Variants in PNLDC1 observed in about 807,000 individuals in gnomAD.
PNLDC1 encodes the protein PARN like ribonuclease domain containing exonuclease 1, also known as poly(A)-specific ribonuclease PNLDC1.
In PNLDC1, 70 loss-of-function variants were observed where a neutral mutation model predicts 82.0. The ratio of observed to expected loss-of-function variants is 0.85; its 90% CI spans 0.70 to 1.04. PNLDC1 has a LOEUF of 1.04. Among genes scored for constraint, PNLDC1 ranks in the 50% least tolerant of loss-of-function variants. The pLI is 0.00. For missense variants in PNLDC1, 631 were observed against 661.1 expected (o/e 0.95, Z 0.50); for synonymous variants, 280 against 249.3 (o/e 1.12, Z -1.16).
rs1288593491 is a variant in PNLDC1, at chr6:159,800,781, T to TA, written c.87dup (p.Glu30ArgfsTer8). The TA allele has an allele frequency of 8.1e-6, 13 of 1,614,160 alleles. No individual in the cohort carries two copies. In the East Asian group the frequency reaches 2.9e-4, roughly 36 times the overall value. On this transcript the variant is annotated frameshift_variant, in exon 2 of 19. Coordinates refer to ENST00000392167, the MANE Select transcript of PNLDC1 (RefSeq NM_001271862.2). LOFTEE classifies it high-confidence loss of function. Reference sequence around the variant, plus strand: ...TTTGCCTTCCTGGCAGGTCTGGACATAGAGTTCACGGGCCTTCGTTCTAAC... The same window carrying TA: ...TTTGCCTTCCTGGCAGGTCTGGACATAAGAGTTCACGGGCCTTCGTTCTAAC...
chr6:159,815,901 TGA>T (rs778618242), intron 12 of PNLDC1, 66 bp from the exon 13 acceptor site: 3 of 1,225,916 alleles, frequency 2.4e-6, no homozygotes, highest in African/African-American at 1.5e-5. Context: ...CTTAAGGGAC[TGA>T]GGGGGAATAC....
At chr6:159,817,574 C>T (rs1303561178) in intron 15 of PNLDC1, among the ~76,000 whole-genome samples, 1 of 152,190 alleles carries the variant, frequency 6.6e-6, no homozygotes, top group South Asian at 2.1e-4. Flanking sequence ...GTTGGGGGCA[C>T]ATAGGCTAGG....
chr6:159,818,745 G>T (rs769849838), intron 16 of PNLDC1, 91 bp downstream of exon 16: 2 of 1,344,478 alleles, frequency 1.5e-6, no homozygotes, highest in Non-Finnish European at 2.1e-6. Context: ...TCGTGAGAGG[G>T]ATTTCGGTGG....
chr6:159,813,565 A>C (rs1226142405), intron 11 of PNLDC1, 36 bp from the exon 12 acceptor site: 1 of 1,579,872 alleles, frequency 6.3e-7, no homozygotes, highest in Non-Finnish European at 8.7e-7. Flanking sequence ...ACAAAAGCGC[A>C]AATGTTTTCC....
intron 7 of PNLDC1, among the ~76,000 whole-genome samples, chr6:159,806,978 C>T (rs773113884): frequency 3.3e-5 from 5 of 151,488 alleles, no homozygotes; most frequent in African/African-American, 7.3e-5. Flanking sequence ...CTGCAATCTC[C>T]GCCTCCCGGG....
At position 159,800,849 on chromosome 6, in the gene PNLDC1, C is replaced by A; in HGVS notation, c.134+20C>A. ...GATCAGGTAAAACTAAAGCTGTGTCCCCTCTGTATAAGAGCCTGGCCAGAC... is the reference window on the plus strand; with the variant it reads ...GATCAGGTAAAACTAAAGCTGTGTCACCTCTGTATAAGAGCCTGGCCAGAC... On this transcript the variant is annotated intron_variant, in intron 2 of 18. Coordinates refer to ENST00000392167, the MANE Select transcript of PNLDC1 (RefSeq NM_001271862.2). The A allele has an allele frequency of 6.2e-7, 1 of 1,613,972 alleles. No homozygotes were observed. Among genetic ancestry groups the A allele is most frequent in the East Asian group, 2.2e-5 (1 of 44,874 alleles).
rs1035504043 is a variant in PNLDC1, at chr6:159,800,291, C to T, written c.-17C>T. The T allele has an allele frequency of 9.1e-6, 14 of 1,543,452 alleles. No homozygotes were observed. The highest frequency in any genetic ancestry group is 2.0e-5 in the Admixed American group (1 of 50,810). On this transcript the variant is annotated 5_prime_UTR_variant, in exon 1 of 19. Coordinates refer to ENST00000392167, the MANE Select transcript of PNLDC1 (RefSeq NM_001271862.2). ...AGCACGTGATAGCGCTGGGCGACTC[C>T]GCGGAGCTGCACGGCCATGGACGTG...
intron 3 of PNLDC1, among the ~76,000 whole-genome samples, chr6:159,802,897 T>A (rs1207348137): frequency 6.6e-6 from 1 of 152,130 alleles, no homozygotes; most frequent in Non-Finnish European, 1.5e-5. Context: ...GTCTTTTTTT[T>A]TTTTAACTTT....
rs1781959455 is a variant in PNLDC1 at position 159,819,383 on chromosome 6, C to CCTGG, written c.1532+32_1532+35dup. On this transcript the variant is annotated intron_variant, in intron 18 of 18. Coordinates refer to ENST00000392167, the MANE Select transcript of PNLDC1 (RefSeq NM_001271862.2). This position sits in a 1 kb window ranked among gnomAD's most constrained non-coding sequence, Gnocchi z 4.6. ...TGACAGGCTGAGGCCACCTGCCTGT[C>CCTGG]CTGGGGTCCTGGAGTGCCCGGGGTC... 1.5e-5 allele frequency: 24 copies of CCTGG among 1,595,930 alleles called. No individual in the cohort carries two copies. The East Asian group carries it at 5.4e-4, about 36-fold the overall frequency.
chr6:159,802,266 T>G (rs1230925834), intron 3 of PNLDC1, among the ~76,000 whole-genome samples: 1 of 152,042 alleles, frequency 6.6e-6, no homozygotes, highest in African/African-American at 2.4e-5. Flanking sequence ...CTGGGCCAGA[T>G]TTTACTTTTC....
In PNLDC1 at chr6:159,800,322, C is replaced by G; in HGVS notation, c.15C>G (p.Ala5=). 6.5e-7 allele frequency: 1 copy of G among 1,547,788 alleles called. No homozygotes were observed. Among genetic ancestry groups the G allele is most frequent in the East Asian group, 2.4e-5 (1 of 40,872 alleles). ...GCTGCACGGCCATGGACGTGGGCGCCGACGAGTTCGAGGAGAGCCTCCCTC... is the reference window on the plus strand; with the variant it reads ...GCTGCACGGCCATGGACGTGGGCGCGGACGAGTTCGAGGAGAGCCTCCCTC... MDVG[A]DEFEESLPLL... is the part of the protein sequence containing the mutation. The change falls in exon 1 of 19, where the codon GCC becomes GCG. Residue 5 remains alanine (A), a synonymous_variant. Coordinates refer to ENST00000392167, the MANE Select transcript of PNLDC1 (RefSeq NM_001271862.2).
chr6:159,814,296 G>A (rs147922711), intron 12 of PNLDC1, among the ~76,000 whole-genome samples: 37 of 152,240 alleles, frequency 2.4e-4, no homozygotes, highest in African/African-American at 5.8e-4. Flanking sequence ...GTGTGTGTGC[G>A]ATTTTTTAAA....
At position 159,818,812 on chromosome 6, in the gene PNLDC1, C is replaced by T. The variant is rs112130255; in HGVS notation, c.1258-134C>T. 7.5e-4 allele frequency: 920 copies of T among 1,220,898 alleles called. 4 individuals are homozygous for T. The African/African-American group carries it at 0.013, about 17-fold the overall frequency. 75.6% of individuals were successfully genotyped at this position (1,220,898 alleles called of 1,614,324 possible). A position where few individuals can be genotyped will look rare whatever the true frequency, so the allele number is the denominator to read the frequency against. ...TCTCATGTTTCTCCACTAAAGCCAA[C>T]ATGGACTCATCCTTCCTTCTCTTCC... is the stretch of plus-strand genomic sequence containing the variant. On this transcript the variant is annotated intron_variant, in intron 16 of 18. Coordinates refer to ENST00000392167, the MANE Select transcript of PNLDC1 (RefSeq NM_001271862.2).
At chr6:159,806,463 A>G (rs996538145) in intron 7 of PNLDC1, among the ~76,000 whole-genome samples, 7 of 152,194 alleles carry the variant, frequency 4.6e-5, no homozygotes, top group Non-Finnish European at 7.4e-5. Context: ...AGGCTGGTCT[A>G]TGGATCCTAG....
At position 159,800,374 on chromosome 6, in the gene PNLDC1, G is replaced by A. The variant is rs769271100; in HGVS notation, c.67G>A (p.Asp23Asn). ...PLLQELVQEA[D>N]FVGLDIEFTG... ...GCTGCAGGAGCTCGTCCAGGAGGCC[G>A]ACTTCGTGGGTGAAGAGCCTGGGAT... Residue 23 changes from aspartate to asparagine, a missense_variant, in exon 1 of 19, where the codon GAC (aspartate) becomes AAC (asparagine). By Grantham distance (23) the Asp-to-Asn change is conservative. Coordinates refer to ENST00000392167, the MANE Select transcript of PNLDC1 (RefSeq NM_001271862.2). The A allele has an allele frequency of 1.9e-6, 3 of 1,547,874 alleles. No individual in the cohort carries two copies. The highest frequency in any genetic ancestry group is 1.4e-5 in the African/African-American group (1 of 72,984).
In PNLDC1 at chr6:159,816,060, T is replaced by A. The variant is rs760984295; in HGVS notation, c.1060+27T>A. 8.6e-6 allele frequency: 13 copies of A among 1,511,740 alleles called. No individual in the cohort carries two copies. The Admixed American group carries it at 2.4e-4, about 28-fold the overall frequency. 93.6% of individuals were successfully genotyped at this position (1,511,740 alleles called of 1,614,324 possible). On this transcript the variant is annotated intron_variant, in intron 13 of 18. Transcript: ENST00000392167. ...TACGTTCCCATGAGCCCATAATCCT[T>A]GCACAGTCGGCAGAGTGCTGAGGTG...
intron 6 of PNLDC1, among the ~76,000 whole-genome samples, chr6:159,804,850 C>T (rs538639712): frequency 6.6e-6 from 1 of 152,344 alleles, no homozygotes; most frequent in Non-Finnish European, 1.5e-5. Flanking sequence ...CCTAATGAAC[C>T]TCTCACTGCG....
At chr6:159,817,193 C>G in intron 15 of PNLDC1, 42 bp downstream of exon 15, 1 of 1,574,084 alleles carries the variant, frequency 6.4e-7, no homozygotes, top group Non-Finnish European at 8.7e-7. Context: ...AATCGGTGGT[C>G]AGGATTTATT....
chr6:159,800,239 A>G, upstream of PNLDC1: 1 of 1,449,114 alleles, frequency 6.9e-7, no homozygotes, highest in Non-Finnish European at 9.4e-7. Context: ...CGGCGGCGCG[A>G]CGGAAGCGCG....
Sources: allele counts gnomAD v4.1 joint callset (sites outside exome capture counted in the v4.1 genomes callset), GRCh38; gene constraint gnomAD v4.1.1; non-coding constraint Gnocchi (gnomAD v3.1); transcripts MANE v1.5; gene names NCBI Gene and HGNC (gene_info 2026-07-23, HGNC 2026-07-21).